UFC1: variants seen among roughly 807,000 people sequenced by gnomAD.
UFC1 encodes ubiquitin-fold modifier-conjugating enzyme 1.
In UFC1, 22 loss-of-function variants were observed where a neutral mutation model predicts 28.0. That is an observed-to-expected ratio of 0.78 (90% CI 0.56 to 1.12). UFC1 has a LOEUF of 1.12. UFC1 is among the 50% of genes most tolerant of loss of function. The pLI is 0.00. For synonymous variants in UFC1, 61 were observed against 74.5 expected (o/e 0.82, Z 0.93); for missense variants, 189 against 207.8 (o/e 0.91, Z 0.56).
At chr1:161,157,091 C>G in intron 2 of UFC1, 74 bp downstream of exon 2, 1 of 1,523,170 alleles carries the variant, frequency 6.6e-7, no homozygotes, top group Admixed American at 1.7e-5. Flanking sequence ...CTAGCGCCCA[C>G]TACCAAAGCT....
In UFC1 at chr1:161,154,087, G is replaced by C. The variant is rs1657437498; in HGVS notation, c.90G>C (p.Gln30His). ...AGPRDRELWV[Q>H]RLKEEYQSLI... ...CCCGAGATCGTGAGTTGTGGGTGCAGCGACTGAAGGAGGAATATCAGTCCC... is the reference window on the plus strand; with the variant it reads ...CCCGAGATCGTGAGTTGTGGGTGCACCGACTGAAGGAGGAATATCAGTCCC... The change falls in exon 1 of 6, where the codon CAG becomes CAC. Residue 30 changes from glutamine to histidine, a missense_variant. Coordinates refer to ENST00000368003, the MANE Select transcript of UFC1 (RefSeq NM_016406.4). The C allele has an allele frequency of 1.9e-6, 3 of 1,614,126 alleles. No individual in the cohort carries two copies. The highest frequency in any genetic ancestry group is 2.5e-6 in the Non-Finnish European group (3 of 1,180,014).
chr1:161,157,161 C>T, intron 2 of UFC1, 93 bp from the exon 3 acceptor site: 2 of 1,558,276 alleles, frequency 1.3e-6, no homozygotes, highest in Non-Finnish European at 1.8e-6. Flanking sequence ...AGTTCCCATC[C>T]TATGAGTCTC....
At chr1:161,156,110 C>A (rs1657496394) in intron 1 of UFC1, among the ~76,000 whole-genome samples, 2 of 152,274 alleles carry the variant, frequency 1.3e-5, no homozygotes, top group Non-Finnish European at 2.9e-5. Context: ...CAGATGGTAT[C>A]TTCAGGTCTT....
intron 4 of UFC1, 22 bp from the exon 5 acceptor site, chr1:161,158,099 C>T (rs1192962693): frequency 6.2e-7 from 1 of 1,608,616 alleles, no homozygotes; most frequent in South Asian, 1.1e-5. Context: ...ATGTCAACAC[C>T]TTCTTCATGT....
rs1198421899 is a variant in UFC1 at position 161,155,965 on chromosome 1, G to C, written c.124-985G>C. On this transcript the variant is annotated intron_variant, in intron 1 of 5. Coordinates refer to ENST00000368003, the MANE Select transcript of UFC1 (RefSeq NM_016406.4). ...GATCTGGACCAAAGATGAAAATCTG[G>C]GAGTCATTAGCCTGTGGGTGTTAGT... is the stretch of plus-strand genomic sequence containing the variant. Among the ~76,000 whole-genome samples, 3 of 152,194 alleles carry C rather than the reference G, an allele frequency of 2.0e-5. No homozygotes were observed. In the East Asian group the frequency reaches 5.8e-4, roughly 29 times the overall value.
intron 1 of UFC1, among the ~76,000 whole-genome samples, chr1:161,154,667 T>A (rs773831448): frequency 1.3e-5 from 2 of 152,108 alleles, no homozygotes; most frequent in Non-Finnish European, 2.9e-5. Flanking sequence ...GTATTTTCAG[T>A]AGAGACGGGG....
Position 161,157,010 on chromosome 1 carries a change from G to A in UFC1, c.184G>A (p.Gly62Arg), listed in dbSNP as rs753938820. Residue 62 changes from glycine (G) to arginine (R), a missense_variant, in exon 2 of 6, where the codon GGA becomes AGA. Gly to Arg is a moderately radical substitution (Grantham distance 125). Transcript: ENST00000368003. The part of the protein sequence containing the change: ...DWFRLESNKE[G>R]TRWFGKCWYI... ...GTTCCGACTGGAGTCCAACAAGGAA[G>A]GAACTCGGTAGGTAGACCCTCTTGG... The A allele has an allele frequency of 3.1e-6, 5 of 1,614,040 alleles. No individual in the cohort carries two copies. Among genetic ancestry groups the A allele is most frequent in the Non-Finnish European group, 4.2e-6 (5 of 1,179,996 alleles).
Position 161,157,029 on chromosome 1 carries a change from C to A in UFC1, c.191+12C>A, listed in dbSNP as rs772108711. The stretch of plus-strand genomic sequence containing the variant: ...AAGGAAGGAACTCGGTAGGTAGACC[C>A]TCTTGGGAGGTGTGGGGTGGGAGTC... On this transcript the variant is annotated intron_variant, in intron 2 of 5. Coordinates refer to ENST00000368003, the MANE Select transcript of UFC1 (RefSeq NM_016406.4). 108 of 1,613,484 alleles carry A rather than the reference C, an allele frequency of 6.7e-5. No homozygotes were observed. Among genetic ancestry groups the A allele is most frequent in the Non-Finnish European group, 7.6e-6 (9 of 1,179,632 alleles).
At chr1:161,157,464 T>G in intron 3 of UFC1, 147 bp downstream of exon 3, 1 of 1,277,484 alleles carries the variant, frequency 7.8e-7, no homozygotes, top group Non-Finnish European at 1.1e-6. Flanking sequence ...ATAAGTTATA[T>G]TTACTCATCT....
Position 161,158,432 on chromosome 1 carries a change from G to C in UFC1, c.444G>C (p.Val148=), listed in dbSNP as rs1351247733. ...TGCAGCTGGGTCCATGGCTGGCAGT[G>C]GAAATCCCTGATCTGATTCAGAAGG... ...MALGLGPWLA[V]EIPDLIQKGV... Residue 148 remains valine (V), a synonymous_variant, in exon 6 of 6, where the codon GTG becomes GTC. Transcript: ENST00000368003. 3.7e-6 allele frequency: 6 copies of C among 1,614,060 alleles called. No homozygotes were observed. The highest frequency in any genetic ancestry group is 5.1e-6 in the Non-Finnish European group (6 of 1,180,038).
In UFC1 at chr1:161,158,786, C is replaced by A. The variant is rs1657640096; in HGVS notation, c.*294C>A. 2 of 421,610 alleles carry A rather than the reference C, an allele frequency of 4.7e-6. No individual in the cohort carries two copies. Among genetic ancestry groups the A allele is most frequent in the East Asian group, 9.5e-5 (2 of 21,064 alleles). 26.1% of individuals were successfully genotyped at this position (421,610 alleles called of 1,614,324 possible). A position where few individuals can be genotyped will look rare whatever the true frequency, so the allele number is the denominator to read the frequency against. Reference sequence around the variant, plus strand: ...TGCGATTCTGGAGGCACGGGGGTAACTGAAAGTGAGTACATATAGTCTTTC... The same window carrying A: ...TGCGATTCTGGAGGCACGGGGGTAAATGAAAGTGAGTACATATAGTCTTTC... On this transcript the variant is annotated 3_prime_UTR_variant, in exon 6 of 6. Transcript: ENST00000368003.
At chr1:161,155,518 G>C (rs953805384) in intron 1 of UFC1, among the ~76,000 whole-genome samples, 2 of 152,152 alleles carry the variant, frequency 1.3e-5, no homozygotes, top group African/African-American at 4.8e-5. Context: ...TTACATGGCC[G>C]ATTTGGGTTT....
rs371895549 is a variant in UFC1 at position 161,158,160 on chromosome 1, G to A, written c.372G>A (p.Leu124=). ...GCCTGACGGATCATTTCAAACCTTT[G>A]TGGGCCAGGAATGTGCCCAAATTTG... ...KICLTDHFKP[L]WARNVPKFGL... The change falls in exon 5 of 6, where the codon TTG becomes TTA. Residue 124 remains leucine (L), a synonymous_variant. Transcript: ENST00000368003. 6.2e-7 allele frequency: 1 copy of A among 1,614,130 alleles called. No individual in the cohort carries two copies. Among genetic ancestry groups the A allele is most frequent in the Admixed American group, 1.7e-5 (1 of 60,030 alleles).
At chr1:161,157,038 G>C in intron 2 of UFC1, 21 bp downstream of exon 2, 1 of 1,612,132 alleles carries the variant, frequency 6.2e-7, no homozygotes, top group Non-Finnish European at 8.5e-7. Flanking sequence ...CCTCTTGGGA[G>C]GTGTGGGGTG....
At chr1:161,157,404 C>T (rs1657548138) in intron 3 of UFC1, 87 bp downstream of exon 3, 1 of 1,537,180 alleles carries the variant, frequency 6.5e-7, no homozygotes, top group African/African-American at 1.4e-5. Flanking sequence ...CTTGAAGGGA[C>T]CAAAGAAAAC....
intron 4 of UFC1, 171 bp downstream of exon 4, chr1:161,157,864 A>G: frequency 4.6e-6 from 3 of 646,918 alleles, no homozygotes; most frequent in Non-Finnish European, 8.2e-6. Flanking sequence ...TAACAAACCT[A>G]TACATCCTGC....
intron 1 of UFC1, among the ~76,000 whole-genome samples, chr1:161,155,263 C>G (rs1035895428): frequency 6.6e-6 from 1 of 152,132 alleles, no homozygotes; most frequent in Non-Finnish European, 1.5e-5. Flanking sequence ...TAAACATAAG[C>G]TAGCCTGATA....
chr1:161,158,583 C>A lies in UFC1; in HGVS notation c.*91C>A. On this transcript the variant is annotated 3_prime_UTR_variant, in exon 6 of 6. Coordinates refer to ENST00000368003, the MANE Select transcript of UFC1 (RefSeq NM_016406.4). ...TCACACTTAACTCATCTAACTGCTT[C>A]CCCGGACACCCTCCACCTCTAGTTG... 7.4e-7 allele frequency: 1 copy of A among 1,355,822 alleles called. No individual in the cohort carries two copies. Among genetic ancestry groups the A allele is most frequent in the Non-Finnish European group, 1.0e-6 (1 of 957,188 alleles). The allele number at this position is 1,355,822 out of a possible 1,614,324, so 84.0% of individuals were successfully genotyped here.
chr1:161,157,163 A>G (rs951563082), intron 2 of UFC1, 91 bp from the exon 3 acceptor site: 11 of 1,559,070 alleles, frequency 7.1e-6, no homozygotes, highest in African/African-American at 6.8e-5. Context: ...TTCCCATCCT[A>G]TGAGTCTCCC....
Sources: allele counts gnomAD v4.1 joint callset (sites outside exome capture counted in the v4.1 genomes callset), GRCh38; gene constraint gnomAD v4.1.1; transcripts MANE v1.5; gene names NCBI Gene and HGNC (gene_info 2026-07-23, HGNC 2026-07-21).